SNRPD1: variants seen among roughly 807,000 people sequenced by gnomAD.
SNRPD1 encodes the protein small nuclear ribonucleoprotein D1 polypeptide, also known as small nuclear ribonucleoprotein Sm D1.
Under a neutral mutation model 14.4 loss-of-function variants are expected in SNRPD1, and 1 was observed. That is an observed-to-expected ratio of 0.07 (90% CI 0.02 to 0.33). The LOEUF (loss-of-function observed/expected upper bound fraction) is 0.33, where lower values mean the gene tolerates loss of function less well. Ranked by LOEUF, SNRPD1 falls within the 10% of genes least tolerant of loss-of-function variation. The probability of loss-of-function intolerance (pLI) is 1.00; values close to 1 mark genes in which losing one functional copy is unlikely to be tolerated. For synonymous variants in SNRPD1, 42 were observed against 50.3 expected, an observed-to-expected ratio of 0.83 and a Z score of 0.70; for missense variants, 52 against 146.4, an observed-to-expected ratio of 0.36 and a Z score of 3.33.
At position 21,625,008 on chromosome 18, in the gene SNRPD1, C is replaced by T. The variant is rs185881584; in HGVS notation, c.283+1069C>T. ...AGTCTGTATGTGTTTAGTACAGATA[C>T]AACCATCATAGGCCTAAACTACATT... On this transcript the variant is annotated intron_variant, in intron 3 of 3. Transcript: ENST00000300413. Among the ~76,000 whole-genome samples the T allele has an allele frequency of 6.6e-4, 100 of 152,216 alleles. No individual in the cohort carries two copies. In the Middle Eastern group the frequency reaches 0.014, roughly 21 times the overall value.
At chr18:21,626,427 C>T (rs1430570305) in intron 3 of SNRPD1, among the ~76,000 whole-genome samples, 2 of 131,000 alleles carry the variant, frequency 1.5e-5, no homozygotes, top group Non-Finnish European at 1.6e-5. Flanking sequence ...GAAACTACAA[C>T]AAATTAAATA....
intron 1 of SNRPD1, among the ~76,000 whole-genome samples, chr18:21,620,993 C>G (rs1003840916): frequency 6.6e-6 from 1 of 151,600 alleles, no homozygotes; most frequent in African/African-American, 2.4e-5. Flanking sequence ...GAAACCCCGT[C>G]TCTACTAAAA....
intron 1 of SNRPD1, among the ~76,000 whole-genome samples, chr18:21,619,619 A>C (rs2038982994): frequency 6.6e-6 from 1 of 151,782 alleles, no homozygotes; most frequent in African/African-American, 2.4e-5. Flanking sequence ...GTCTCTACTA[A>C]AAATACAAAA....
Position 21,626,528 on chromosome 18 carries a change from C to T in SNRPD1, c.284-2534C>T, listed in dbSNP as rs1457161502. Among the ~76,000 whole-genome samples the T allele has an allele frequency of 4.6e-5, 7 of 151,550 alleles. 1 individual carries two copies. The highest frequency in any genetic ancestry group is 2.6e-4 in the Admixed American group (4 of 15,186). ...GGTTTGGGCCAGGTGTGGTGGCTCA[C>T]GCCTGTAATCCCAGCACTTTCAGAG... On this transcript the variant is annotated intron_variant, in intron 3 of 3. Transcript: ENST00000300413.
intron 1 of SNRPD1, among the ~76,000 whole-genome samples, chr18:21,618,898 G>T (rs531912728): frequency 6.6e-6 from 1 of 152,130 alleles, no homozygotes; most frequent in Non-Finnish European, 1.5e-5. Flanking sequence ...TACAGTCTAG[G>T]ATTAGATATA....
At chr18:21,625,586 G>C (rs1037319496) in intron 3 of SNRPD1, among the ~76,000 whole-genome samples, 1 of 151,778 alleles carries the variant, frequency 6.6e-6, no homozygotes, top group African/African-American at 2.4e-5. Context: ...AAAGTGCTGG[G>C]ATTACAGGCA....
chr18:21,615,715 A>G (rs1284998410), intron 1 of SNRPD1, among the ~76,000 whole-genome samples: 2 of 152,238 alleles, frequency 1.3e-5, no homozygotes, highest in East Asian at 3.8e-4. Context: ...TACGTTGAAT[A>G]TTCTTCAGGT....
chr18:21,627,219 T>G (rs1184433734), intron 3 of SNRPD1, among the ~76,000 whole-genome samples: 1 of 151,840 alleles, frequency 6.6e-6, no homozygotes, highest in East Asian at 1.9e-4. Flanking sequence ...CAGTGAGCAG[T>G]TGTTTTCTTA....
chr18:21,622,652 G>A, intron 1 of SNRPD1, 73 bp from the exon 2 acceptor site: 1 of 745,108 alleles, frequency 1.3e-6, no homozygotes, highest in Non-Finnish European at 2.4e-6. Flanking sequence ...ACATCGAGTT[G>A]TTTCACCCTT....
rs964310619 is a variant in SNRPD1, at chr18:21,612,525, CA to C, written c.14+83del. On this transcript the variant is annotated intron_variant, in intron 1 of 3. Coordinates refer to ENST00000300413, the MANE Select transcript of SNRPD1 (RefSeq NM_006938.4). ...CCGGAAGGCTGGGCTCTCCCATTTG[CA>C]GGAGGCGGGAAAGCCGCGTGTGCGC... The C allele has an allele frequency of 2.7e-6, 3 of 1,125,706 alleles. No individual in the cohort carries two copies. In the Admixed American group the frequency reaches 8.2e-5, roughly 31 times the overall value. The allele number at this position is 1,125,706 out of a possible 1,614,324, so 69.7% of individuals were successfully genotyped here.
chr18:21,614,637 C>G (rs2038944554), intron 1 of SNRPD1, among the ~76,000 whole-genome samples: 1 of 152,188 alleles, frequency 6.6e-6, no homozygotes, highest in Non-Finnish European at 1.5e-5. Context: ...TTTTTCTCTC[C>G]TGATGTCCTT....
At chr18:21,622,200 C>T (rs1017837995) in intron 1 of SNRPD1, among the ~76,000 whole-genome samples, 17 of 151,186 alleles carry the variant, frequency 1.1e-4, no homozygotes, top group African/African-American at 2.9e-4. Context: ...AGTGCAGTGG[C>T]GTGATCTCGG....
intron 1 of SNRPD1, among the ~76,000 whole-genome samples, chr18:21,622,268 T>G (rs950727264): frequency 6.6e-6 from 1 of 151,926 alleles, no homozygotes; most frequent in East Asian, 1.9e-4. Context: ...GCCTCCCGAG[T>G]AGCTGGGACT....
intron 1 of SNRPD1, among the ~76,000 whole-genome samples, chr18:21,620,269 T>TA (rs1598492030): frequency 6.6e-6 from 1 of 152,016 alleles, no homozygotes; most frequent in Admixed American, 6.6e-5. Flanking sequence ...ATTTTTTTTT[T>TA]ATTTTTATTT....
At chr18:21,626,205 C>G (rs947244628) in intron 3 of SNRPD1, among the ~76,000 whole-genome samples, 6 of 151,320 alleles carry the variant, frequency 4.0e-5, no homozygotes, top group African/African-American at 1.5e-4. Context: ...CCAGCCCGGG[C>G]AACATGGCAT....
In SNRPD1 at chr18:21,632,871, G is replaced by C. The variant is rs1396814664; in HGVS notation, c.*3733G>C. 7.7e-6 allele frequency: 1 copy of C among 130,188 alleles called. No individual in the cohort carries two copies. Among genetic ancestry groups the C allele is most frequent in the South Asian group, 2.4e-4 (1 of 4,232 alleles). The allele number at this position is 130,188 out of a possible 1,614,324, so 8.1% of individuals were successfully genotyped here. A position where few individuals can be genotyped will look rare whatever the true frequency, so the allele number is the denominator to read the frequency against. Reference sequence around the variant, plus strand: ...TTTTCTTTTCTTTTTTTTTTTTTGAGACAGAGTCTAGCTCTGTCACCCAGG... The same window carrying C: ...TTTTCTTTTCTTTTTTTTTTTTTGACACAGAGTCTAGCTCTGTCACCCAGG... On this transcript the variant is annotated 3_prime_UTR_variant, in exon 4 of 4. Coordinates refer to ENST00000300413, the MANE Select transcript of SNRPD1 (RefSeq NM_006938.4).
chr18:21,624,814 A>T (rs2039024406), intron 3 of SNRPD1, among the ~76,000 whole-genome samples: 2 of 152,098 alleles, frequency 1.3e-5, no homozygotes, highest in East Asian at 3.8e-4. Context: ...CCCTGTGGGT[A>T]CCAAAATCTA....
chr18:21,613,369 G>A (rs879505453), intron 1 of SNRPD1, among the ~76,000 whole-genome samples: 1 of 152,084 alleles, frequency 6.6e-6, no homozygotes, highest in Non-Finnish European at 1.5e-5. Flanking sequence ...TTCCTGTTGA[G>A]TCAAGGATTG....
Position 21,629,409 on chromosome 18 carries a change from G to T in SNRPD1, c.*271G>T. 1 of 315,422 alleles carries T rather than the reference G, an allele frequency of 3.2e-6. No individual in the cohort carries two copies. Among genetic ancestry groups the T allele is most frequent in the Non-Finnish European group, 5.9e-6 (1 of 170,230 alleles). The allele number at this position is 315,422 out of a possible 1,614,324, so 19.5% of individuals were successfully genotyped here. On this transcript the variant is annotated 3_prime_UTR_variant, in exon 4 of 4. Transcript: ENST00000300413. ...TATGATGAATAAGGTTAAAATAAAAGCCTTAGACAAATTAAATTTGGCAGA... is the reference window on the plus strand; with the variant it reads ...TATGATGAATAAGGTTAAAATAAAATCCTTAGACAAATTAAATTTGGCAGA...
Sources: allele counts gnomAD v4.1 joint callset (sites outside exome capture counted in the v4.1 genomes callset), GRCh38; gene constraint gnomAD v4.1.1; transcripts MANE v1.5; gene names NCBI Gene and HGNC (gene_info 2026-07-23, HGNC 2026-07-21).